The following SEC31A variants were observed in gnomAD, a reference collection of about 807,000 sequenced individuals.
The protein encoded by SEC31A is SEC31 homolog A, COPII component.
SEC31A carries 70 observed loss-of-function variants against 151.0 expected under a neutral mutation model. The observed-to-expected ratio is 0.46, with a 90% CI of 0.38 to 0.57. The LOEUF is 0.57. Ranked by LOEUF, SEC31A falls within the 20% of genes least tolerant of loss-of-function variation. The pLI, the probability that SEC31A is intolerant of heterozygous loss-of-function variation, is 0.00. For synonymous variants in SEC31A, 475 were observed against 505.9 expected (o/e 0.94, Z 0.82); for missense variants, 1,330 against 1,471.2 (o/e 0.90, Z 1.57).
At chr4:82,849,483 G>A (rs548705287) in intron 19 of SEC31A, among the ~76,000 whole-genome samples, 8 of 151,638 alleles carry the variant, frequency 5.3e-5, no homozygotes, top group Non-Finnish European at 8.8e-5. Flanking sequence ...GTGTGGTGGC[G>A]GGCACCTGTA....
intron 20 of SEC31A, 111 bp from the exon 21 acceptor site, chr4:82,844,620 T>C (rs1210627757): frequency 6.4e-6 from 7 of 1,101,406 alleles, no homozygotes; most frequent in Admixed American, 5.1e-5. Context: ...AAAAAAACTT[T>C]ATTGCATAAG....
chr4:82,889,838 T>G (rs1043205172), intron 1 of SEC31A, among the ~76,000 whole-genome samples: 1 of 152,134 alleles, frequency 6.6e-6, no homozygotes, highest in Non-Finnish European at 1.5e-5. Flanking sequence ...ACAAAAACAC[T>G]ACGAGTTATC....
At chr4:82,839,747 G>A (rs1728307626) in intron 22 of SEC31A, among the ~76,000 whole-genome samples, 1 of 152,186 alleles carries the variant, frequency 6.6e-6, no homozygotes, top group Non-Finnish European at 1.5e-5. Flanking sequence ...AGGTAACAAA[G>A]CAGACAAGCA....
chr4:82,829,076 G>C lies in SEC31A; in HGVS notation c.2969-18C>G, dbSNP rs1376596176. 1 of 1,602,094 alleles carries C rather than the reference G, an allele frequency of 6.2e-7. No homozygotes were observed. Among genetic ancestry groups the C allele is most frequent in the East Asian group, 2.2e-5 (1 of 44,814 alleles). On this transcript the variant is annotated intron_variant, in intron 22 of 26. Coordinates refer to ENST00000395310, the MANE Select transcript of SEC31A (RefSeq NM_001077207.4). ...CTGAGGACCTATAACAGATAACAGAGAATGTTTTCCTTTAGAATCCTGAAA... is the reference window on the plus strand; with the variant it reads ...CTGAGGACCTATAACAGATAACAGACAATGTTTTCCTTTAGAATCCTGAAA...
Position 82,831,005 on chromosome 4 carries a change from A to C in SEC31A, c.2969-1947T>G, listed in dbSNP as rs997129136. 4 of 1,065,032 alleles carry C rather than the reference A, an allele frequency of 3.8e-6. No homozygotes were observed. The African/African-American group carries it at 6.5e-5, about 17-fold the overall frequency. The allele number at this position is 1,065,032 out of a possible 1,614,324, so 66.0% of individuals were successfully genotyped here. ...AGACAAAATGTAAAAATTACTTAAC[A>C]GTGTTTACTGAAGACATTCTAAACT... On this transcript the variant is annotated intron_variant, in intron 22 of 26. Coordinates refer to ENST00000395310, the MANE Select transcript of SEC31A (RefSeq NM_001077207.4).
intron 20 of SEC31A, among the ~76,000 whole-genome samples, chr4:82,846,084 A>C (rs1201392407): frequency 6.6e-6 from 1 of 151,862 alleles, no homozygotes; most frequent in Non-Finnish European, 1.5e-5. Flanking sequence ...GCTCACTGCA[A>C]ACTCCGCCTC....
At chr4:82,866,700 C>T (rs1735481405) in intron 10 of SEC31A, 108 bp downstream of exon 10, 2 of 997,954 alleles carry the variant, frequency 2.0e-6, no homozygotes, top group East Asian at 2.8e-5. Context: ...AAGTACATCT[C>T]AAATCCCAAC....
Position 82,861,662 on chromosome 4 carries a change from C to T in SEC31A, c.1595G>A (p.Ser532Asn). ...CAAGAGCTGCTCTTCAGCAGCAGGG[C>T]TCTCCTCCCCATCACTCTGTGCTAC... is the stretch of plus-strand genomic sequence containing the variant. The part of the protein sequence containing the change: ...DQVAQSDGEE[S>N]PAAEEQLLGE... The change falls in exon 14 of 27, where the codon AGC becomes AAC. Residue 532 changes from serine (S) to asparagine (N), a missense_variant. Physicochemically the swap from Ser to Asn is conservative, Grantham distance 46. Transcript: ENST00000395310. 7.4e-6 allele frequency: 12 copies of T among 1,611,128 alleles called. No homozygotes were observed. The highest frequency in any genetic ancestry group is 1.0e-5 in the Non-Finnish European group (12 of 1,177,968).
At chr4:82,896,659 C>A (rs1720074753) in intron 3 of SEC31A, among the ~76,000 whole-genome samples, 1 of 152,100 alleles carries the variant, frequency 6.6e-6, no homozygotes, top group South Asian at 2.1e-4. Flanking sequence ...CTTAGAGAAG[C>A]TAATTGGAAC....
At chr4:82,856,451 A>G (rs955045492) in intron 16 of SEC31A, among the ~76,000 whole-genome samples, 2 of 151,028 alleles carry the variant, frequency 1.3e-5, no homozygotes, top group African/African-American at 4.9e-5. Context: ...GCCCAGCCGC[A>G]ATTAAAAAAT....
intron 17 of SEC31A, 75 bp from the exon 18 acceptor site, chr4:82,853,790 T>C: frequency 1.7e-6 from 2 of 1,204,172 alleles, no homozygotes; most frequent in South Asian, 3.0e-5. Flanking sequence ...AGCTAAATAA[T>C]ATTTTCAGAG....
intron 8 of SEC31A, among the ~76,000 whole-genome samples, chr4:82,869,673 C>T (rs1420981370): frequency 6.6e-6 from 1 of 151,896 alleles, no homozygotes; most frequent in African/African-American, 2.4e-5. Flanking sequence ...TTTCTCTTGT[C>T]TCCCCTAATG....
chr4:82,864,311 C>A, intron 11 of SEC31A, 51 bp downstream of exon 11: 2 of 1,215,588 alleles, frequency 1.6e-6, no homozygotes, highest in Non-Finnish European at 2.4e-6. Context: ...TATAAAGGAA[C>A]AGTTAAATTT....
At chr4:82,881,806 C>G in intron 2 of SEC31A, 52 bp downstream of exon 2, 2 of 1,356,220 alleles carry the variant, frequency 1.5e-6, no homozygotes, top group African/African-American at 2.9e-5. Context: ...AAGCTAGGTG[C>G]AGAAGAGAAG....
chr4:82,884,637 TAAC>T (rs1249098314), intron 1 of SEC31A, among the ~76,000 whole-genome samples: 1 of 152,252 alleles, frequency 6.6e-6, no homozygotes, highest in East Asian at 1.9e-4. Flanking sequence ...GACAAATGTA[TAAC>T]AACATGTATC....
intron 18 of SEC31A, 74 bp downstream of exon 18, chr4:82,853,496 A>C (rs1731890951): frequency 8.0e-7 from 1 of 1,250,330 alleles, no homozygotes; most frequent in African/African-American, 1.6e-5. Flanking sequence ...ATGAACTTAT[A>C]GATTATAACT....
intron 18 of SEC31A, 41 bp downstream of exon 18, chr4:82,853,529 C>T: frequency 1.3e-6 from 2 of 1,507,538 alleles, no homozygotes; most frequent in Non-Finnish European, 1.8e-6. Context: ...GGGTGAAAGA[C>T]AACACTAAAA....
chr4:82,885,241 A>T (rs1222024203), intron 1 of SEC31A, among the ~76,000 whole-genome samples: 1 of 152,190 alleles, frequency 6.6e-6, no homozygotes, highest in Admixed American at 6.5e-5. Context: ...TTAGCTAAGG[A>T]CATTTAAAAT....
At chr4:82,847,183 ACCC>A (rs1459521703) in intron 20 of SEC31A, among the ~76,000 whole-genome samples, 1 of 152,160 alleles carries the variant, frequency 6.6e-6, no homozygotes, top group Non-Finnish European at 1.5e-5. Flanking sequence ...CAGGGTCGGT[ACCC>A]CTAACCCACA....
Sources: gnomAD v4.1 joint callset for allele counts (sites outside exome capture counted in the v4.1 genomes callset) on GRCh38, gnomAD v4.1.1 for gene constraint, MANE v1.5 for transcripts, NCBI Gene and HGNC (gene_info 2026-07-23, HGNC 2026-07-21) for gene names.